The following GALK2 variants were observed in gnomAD, a reference collection of about 807,000 sequenced individuals.
The protein encoded by GALK2 is N-acetylgalactosamine kinase.
GALK2 carries 36 observed loss-of-function variants against 52.4 expected under a neutral mutation model. That is an observed-to-expected ratio of 0.69 (90% CI 0.53 to 0.91). The LOEUF (loss-of-function observed/expected upper bound fraction) is 0.91, where lower values mean the gene tolerates loss of function less well. Among genes scored for constraint, GALK2 ranks in the 40% least tolerant of loss-of-function variants. GALK2 has a pLI of 0.00. For synonymous variants in GALK2, 176 were observed against 199.1 expected, an observed-to-expected ratio of 0.88 and a Z score of 0.98; for missense variants, 579 against 559.1, an observed-to-expected ratio of 1.04 and a Z score of -0.36.
At chr15:49,253,842 A>G (rs2091708135) in intron 5 of GALK2, among the ~76,000 whole-genome samples, 1 of 143,506 alleles carries the variant, frequency 7.0e-6, no homozygotes, top group South Asian at 2.3e-4. Context: ...AACACCAAGC[A>G]TCATCATCAT....
chr15:49,253,851 A>C (rs2091709109), intron 5 of GALK2, among the ~76,000 whole-genome samples: 1 of 143,978 alleles, frequency 6.9e-6, no homozygotes, highest in South Asian at 2.3e-4. Flanking sequence ...CATCATCATC[A>C]TCATCATCAT....
At chr15:49,302,431 C>G (rs16962314) in intron 8 of GALK2, among the ~76,000 whole-genome samples, 1 of 151,980 alleles carries the variant, frequency 6.6e-6, no homozygotes, top group African/African-American at 2.4e-5. Context: ...TATGCATAAG[C>G]TGTTGTGTTC....
At chr15:49,312,371 A>T (rs1244084598) in intron 8 of GALK2, among the ~76,000 whole-genome samples, 1 of 152,154 alleles carries the variant, frequency 6.6e-6, no homozygotes, top group African/African-American at 2.4e-5. Flanking sequence ...CCTGTGTCAG[A>T]TGCTTGTTTC....
chr15:49,163,519 A>C (rs568423077), intron 1 of GALK2, among the ~76,000 whole-genome samples: 1 of 152,322 alleles, frequency 6.6e-6, no homozygotes, highest in South Asian at 2.1e-4. Flanking sequence ...GTGTGAATGA[A>C]TGTGGAGGTT....
chr15:49,267,757 A>T (rs2092406645), intron 5 of GALK2, among the ~76,000 whole-genome samples: 1 of 152,222 alleles, frequency 6.6e-6, no homozygotes, highest in Non-Finnish European at 1.5e-5. Context: ...AAATCAGAAA[A>T]ATGGAAAGAA....
intron 3 of GALK2, among the ~76,000 whole-genome samples, chr15:49,358,812 A>G (rs1354065962): frequency 1.3e-5 from 2 of 151,992 alleles, no homozygotes; most frequent in Non-Finnish European, 1.5e-5. Flanking sequence ...AAAGCTGGAG[A>G]CATCACACTA....
chr15:49,300,593 A>G (rs1419847882), intron 8 of GALK2, among the ~76,000 whole-genome samples: 1 of 152,094 alleles, frequency 6.6e-6, no homozygotes, highest in Non-Finnish European at 1.5e-5. Context: ...TAATCCCGAC[A>G]TGTCATGGGA....
chr15:49,192,144 T>A (rs2086768055), intron 1 of GALK2, among the ~76,000 whole-genome samples: 1 of 152,092 alleles, frequency 6.6e-6, no homozygotes, highest in Non-Finnish European at 1.5e-5. Flanking sequence ...ATTTATATTG[T>A]GTTGTTTCTT....
chr15:49,265,418 G>A (rs1477658987), intron 5 of GALK2, among the ~76,000 whole-genome samples: 4 of 152,200 alleles, frequency 2.6e-5, no homozygotes, highest in South Asian at 2.1e-4. Context: ...TTTTAAGCCC[G>A]TCGGAAAAGC....
chr15:49,168,527 T>A (rs953822782), upstream of GALK2, among the ~76,000 whole-genome samples: 7 of 152,268 alleles, frequency 4.6e-5, no homozygotes, highest in Middle Eastern at 3.4e-3. Flanking sequence ...GAGACCAGCC[T>A]GCCCAGCATG....
At chr15:49,364,636 A>G (rs1294980500) in intron 3 of GALK2, among the ~76,000 whole-genome samples, 1 of 152,164 alleles carries the variant, frequency 6.6e-6, no homozygotes, top group Non-Finnish European at 1.5e-5. Context: ...CCAAAATTTT[A>G]TATTTCTAAC....
intron 8 of GALK2, among the ~76,000 whole-genome samples, chr15:49,302,628 T>C (rs2035209704): frequency 6.6e-6 from 1 of 152,232 alleles, no homozygotes. Flanking sequence ...TTCTCAATTA[T>C]GAAGGAAATT....
At chr15:49,319,879 T>C in intron 9 of GALK2, 74 bp downstream of exon 9, 1 of 1,270,288 alleles carries the variant, frequency 7.9e-7, no homozygotes, top group Non-Finnish European at 1.1e-6. Flanking sequence ...AAATGCAACA[T>C]TTCATAATCT....
chr15:49,214,981 A>G (rs1283835453), intron 2 of GALK2, among the ~76,000 whole-genome samples: 1 of 152,094 alleles, frequency 6.6e-6, no homozygotes, highest in African/African-American at 2.4e-5. Context: ...TTGAAGGATA[A>G]TTTTACTGGA....
At chr15:49,277,689 G>T (rs1454333688) in intron 5 of GALK2, among the ~76,000 whole-genome samples, 1 of 150,358 alleles carries the variant, frequency 6.7e-6, no homozygotes, top group Non-Finnish European at 1.5e-5. Flanking sequence ...CCAGCTACTC[G>T]GGTGGCTGAG....
intron 5 of GALK2, among the ~76,000 whole-genome samples, chr15:49,269,221 G>A (rs2029975575): frequency 6.6e-6 from 1 of 152,206 alleles, no homozygotes; most frequent in Non-Finnish European, 1.5e-5. Context: ...CCCATGGTGT[G>A]TAGCATAGAG....
intron 9 of GALK2, among the ~76,000 whole-genome samples, chr15:49,323,719 G>A (rs1360601958): frequency 6.6e-6 from 1 of 152,192 alleles, no homozygotes; most frequent in Non-Finnish European, 1.5e-5. Context: ...CCCAAGTGGA[G>A]AGAAGGGGGG....
intron 2 of GALK2, among the ~76,000 whole-genome samples, chr15:49,213,770 G>A (rs2089139449): frequency 6.6e-6 from 1 of 151,770 alleles, no homozygotes. Flanking sequence ...CTTCCTTCTT[G>A]TCTTCCTTTG....
intron 1 of GALK2, among the ~76,000 whole-genome samples, chr15:49,184,906 T>C (rs550820261): frequency 4.6e-5 from 7 of 152,206 alleles, no homozygotes; most frequent in Non-Finnish European, 1.0e-4. Context: ...GCCACAATTA[T>C]AGTGTTACAA....
Sources: allele counts gnomAD v4.1 joint callset (sites outside exome capture counted in the v4.1 genomes callset), GRCh38; gene constraint gnomAD v4.1.1; transcripts MANE v1.5; gene names NCBI Gene and HGNC (gene_info 2026-07-23, HGNC 2026-07-21).